Variants in RELT observed in about 807,000 individuals in gnomAD.
RELT encodes RELT TNF receptor.
In RELT, 37 loss-of-function variants were observed where a neutral mutation model predicts 51.1. The observed-to-expected ratio is 0.72, with a 90% CI of 0.56 to 0.95. The LOEUF is 0.95. Ranked by LOEUF, RELT falls within the 40% of genes least tolerant of loss-of-function variation. The pLI is 0.00. For synonymous variants in RELT, 241 were observed against 235.7 expected (o/e 1.02, Z -0.21); for missense variants, 535 against 572.6 (o/e 0.93, Z 0.67).
chr11:73,386,136 C>T (rs1398524724), intron 1 of RELT, among the ~76,000 whole-genome samples: 1 of 152,200 alleles, frequency 6.6e-6, no homozygotes, highest in East Asian at 1.9e-4. Flanking sequence ...GTGAAGGTCC[C>T]AAAGGGAGTT....
In RELT at chr11:73,383,157, C is replaced by G. The variant is rs76331260; in HGVS notation, c.-25-5955C>G. 5.8e-3 allele frequency among the ~76,000 whole-genome samples: 882 copies of G among 152,220 alleles called. 8 individuals carry two copies. The highest frequency in any genetic ancestry group is 0.027 in the Middle Eastern group (8 of 294). ...AGCCCTTGAGGGACTGGTTTATACC[C>G]CATCGTGGTGACCTGGGAGCTCATG... On this transcript the variant is annotated intron_variant, in intron 1 of 10. Transcript: ENST00000064780.
At chr11:73,389,525 T>C (rs762748292) in intron 2 of RELT, among the ~76,000 whole-genome samples, 18 of 152,206 alleles carry the variant, frequency 1.2e-4, no homozygotes, top group Non-Finnish European at 2.2e-4. Flanking sequence ...ATTTGGACCC[T>C]GAGAGCCATA....
chr11:73,377,846 G>A (rs1374269940), intron 1 of RELT, among the ~76,000 whole-genome samples: 6 of 152,132 alleles, frequency 3.9e-5, no homozygotes, highest in African/African-American at 1.2e-4. Flanking sequence ...AGTGGGGGGT[G>A]GGGGCAGGCT....
At chr11:73,386,733 G>C (rs1299394558) in intron 1 of RELT, among the ~76,000 whole-genome samples, 1 of 152,204 alleles carries the variant, frequency 6.6e-6, no homozygotes, top group Non-Finnish European at 1.5e-5. Context: ...CTCTGCGTCT[G>C]TCTGCAGATG....
chr11:73,391,788 T>C (rs887378369), intron 5 of RELT, among the ~76,000 whole-genome samples: 1 of 151,912 alleles, frequency 6.6e-6, no homozygotes, highest in African/African-American at 2.4e-5. Flanking sequence ...AAAAAACCCA[T>C]GCAGATGAGT....
At chr11:73,391,261 A>G in intron 5 of RELT, 38 bp downstream of exon 5, 2 of 1,584,380 alleles carry the variant, frequency 1.3e-6, no homozygotes, top group Non-Finnish European at 1.7e-6. Flanking sequence ...GTGCAGGGGT[A>G]TGTGCGGGAG....
chr11:73,379,708 C>T (rs1262679636), intron 1 of RELT, among the ~76,000 whole-genome samples: 1 of 152,226 alleles, frequency 6.6e-6, no homozygotes, highest in Non-Finnish European at 1.5e-5. Context: ...TGGACGTCGG[C>T]CTGCCTCATA....
chr11:73,394,622 G>T lies in RELT; in HGVS notation c.934G>T (p.Ala312Ser), dbSNP rs755792872. 6 of 1,613,328 alleles carry T rather than the reference G, an allele frequency of 3.7e-6. No individual in the cohort carries two copies. The South Asian group carries it at 6.6e-5, about 18-fold the overall frequency. ...KWPEVLLSPE[A>S]VAATTPVPSL... is the part of the protein sequence containing the mutation. ...GCCCGAGGTGCTGCTGTCCCCTGAG[G>T]CTGTAGCCGCCACTACTCCTGTTCC... is the stretch of plus-strand genomic sequence containing the variant. Residue 312 changes from alanine to serine, a missense_variant, in exon 9 of 11, where the codon GCT becomes TCT. Coordinates refer to ENST00000064780, the MANE Select transcript of RELT (RefSeq NM_152222.2). The surrounding 1 kb of genome is among the most constrained non-coding windows in gnomAD (Gnocchi z 4.9).
Position 73,388,355 on chromosome 11 carries a change from GAC to G in RELT, c.-25-755_-25-754del, listed in dbSNP as rs1866156564. 6.6e-6 allele frequency among the ~76,000 whole-genome samples: 1 copy of G among 152,208 alleles called. No homozygotes were observed. Among genetic ancestry groups the G allele is most frequent in the Non-Finnish European group, 1.5e-5 (1 of 68,034 alleles). ...CAGTAGGTGCTGGAGAGATGACAAA[GAC>G]AGAGCACTGGCTGCCGTGACCACCC... On this transcript the variant is annotated intron_variant, in intron 1 of 10. Transcript: ENST00000064780. The surrounding 1 kb of genome is among the most constrained non-coding windows in gnomAD (Gnocchi z 4.1).
At chr11:73,384,927 G>C (rs1026119386) in intron 1 of RELT, among the ~76,000 whole-genome samples, 1 of 152,164 alleles carries the variant, frequency 6.6e-6, no homozygotes, top group Non-Finnish European at 1.5e-5. Context: ...AGGAAGAGTG[G>C]GTGCTGGCCA....
chr11:73,390,205 T>A (rs56411180), intron 2 of RELT, among the ~76,000 whole-genome samples: 2 of 151,752 alleles, frequency 1.3e-5, no homozygotes, highest in African/African-American at 4.8e-5. Context: ...TAGGAGGAAG[T>A]GGGGGCAGAA....
In RELT at chr11:73,395,268, G is replaced by C; in HGVS notation, c.1228G>C (p.Ala410Pro). Residue 410 changes from alanine to proline, a missense_variant, in exon 10 of 11, where the codon GCA (alanine) becomes CCA (proline). Ala to Pro is a conservative substitution (Grantham distance 27, BLOSUM62 -1). Transcript: ENST00000064780. ...CCGTACAAAGTGGCTGAAGCCCCCA[G>C]CAGAGAACAAGGCCGAGGTGAGAGT... is the stretch of plus-strand genomic sequence containing the variant. ...GSRTKWLKPP[A>P]ENKAEENRYV... is the part of the protein sequence containing the mutation. 6.2e-7 allele frequency: 1 copy of C among 1,613,082 alleles called. No individual in the cohort carries two copies.
intron 6 of RELT, chr11:73,393,108 TG>T: frequency 1.0e-6 from 1 of 998,676 alleles, no homozygotes; most frequent in Non-Finnish European, 1.2e-6. Context: ...GCATCTCCCA[TG>T]CTAGCACCCT....
chr11:73,378,680 G>A (rs1031709108), intron 1 of RELT, among the ~76,000 whole-genome samples: 3 of 152,224 alleles, frequency 2.0e-5, no homozygotes, highest in Admixed American at 6.5e-5. Flanking sequence ...TAAGTATGAT[G>A]TGTGTGTGTG....
At chr11:73,387,256 C>T (rs1590733292) in intron 1 of RELT, among the ~76,000 whole-genome samples, 1 of 152,170 alleles carries the variant, frequency 6.6e-6, no homozygotes, top group Non-Finnish European at 1.5e-5. Flanking sequence ...CCTGCCCCCA[C>T]CCCCAGCATC....
intron 1 of RELT, among the ~76,000 whole-genome samples, chr11:73,384,093 A>G (rs1590731119): frequency 6.6e-6 from 1 of 152,260 alleles, no homozygotes; most frequent in East Asian, 1.9e-4. Flanking sequence ...GCCCTCCTCC[A>G]GGTGGGCACC....
intron 6 of RELT, chr11:73,393,322 T>C (rs1264613232): frequency 1.9e-6 from 2 of 1,038,228 alleles, no homozygotes; most frequent in African/African-American, 3.4e-5. Flanking sequence ...TCCTGGGAGC[T>C]CTGTTTGCTG....
chr11:73,392,023 C>T (rs1866222949), intron 5 of RELT, 188 bp from the exon 6 acceptor site: 3 of 690,322 alleles, frequency 4.3e-6, no homozygotes, highest in African/African-American at 3.6e-5. Flanking sequence ...CAGGACAATG[C>T]TTCGATGGCC....
At position 73,397,472 on chromosome 11, in the gene RELT, T is replaced by C. The variant is rs1866337434; in HGVS notation, c.*1981T>C. 6.6e-6 allele frequency: 1 copy of C among 152,208 alleles called. No individual in the cohort carries two copies. The highest frequency in any genetic ancestry group is 1.5e-5 in the Non-Finnish European group (1 of 68,026). The allele number at this position is 152,208 out of a possible 1,614,324, so 9.4% of individuals were successfully genotyped here. ...AAATTCATAAACTTTCTTAAAACAT[T>C]GAGATGTTTTTGCTTTTTTCTTTTC... On this transcript the variant is annotated 3_prime_UTR_variant, in exon 11 of 11. Coordinates refer to ENST00000064780, the MANE Select transcript of RELT (RefSeq NM_152222.2).
Sources: allele counts gnomAD v4.1 joint callset (sites outside exome capture counted in the v4.1 genomes callset), GRCh38; gene constraint gnomAD v4.1.1; non-coding constraint Gnocchi (gnomAD v3.1); transcripts MANE v1.5; gene names NCBI Gene and HGNC (gene_info 2026-07-23, HGNC 2026-07-21).